The following ARHGAP20 variants were observed in gnomAD, a reference collection of about 807,000 sequenced individuals.
ARHGAP20 encodes the protein rho GTPase-activating protein 20.
In ARHGAP20, 34 loss-of-function variants were observed where a neutral mutation model predicts 73.7. The ratio of observed to expected loss-of-function variants is 0.46; its 90% confidence interval spans 0.35 to 0.61. The LOEUF is 0.61. Ranked by LOEUF, ARHGAP20 falls within the 20% of genes least tolerant of loss-of-function variation. The probability of loss-of-function intolerance (pLI) is 0.00; values close to 1 mark genes in which losing one functional copy is unlikely to be tolerated. For missense variants in ARHGAP20, 1,314 were observed against 1,420.9 expected, an observed-to-expected ratio of 0.92 and a Z score of 1.21; for synonymous variants, 523 against 518.2, an observed-to-expected ratio of 1.01 and a Z score of -0.13.
At chr11:110,697,431 T>C (rs1950357668) in intron 1 of ARHGAP20, among the ~76,000 whole-genome samples, 2 of 151,910 alleles carry the variant, frequency 1.3e-5, no homozygotes, top group South Asian at 4.1e-4. Flanking sequence ...GGAGCTGTTT[T>C]TTTCTTGTCG....
At chr11:110,667,910 A>G (rs1949756331) in intron 2 of ARHGAP20, among the ~76,000 whole-genome samples, 1 of 152,200 alleles carries the variant, frequency 6.6e-6, no homozygotes, top group Non-Finnish European at 1.5e-5. Flanking sequence ...CTCACAATAA[A>G]GTTGCTTCTT....
chr11:110,711,825 T>G, intron 1 of ARHGAP20: 1 of 1,312,786 alleles, frequency 7.6e-7, no homozygotes, highest in Non-Finnish European at 9.7e-7. Flanking sequence ...GCGCCTAGAC[T>G]GAGGGAGGAG....
chr11:110,631,135 CT>C (rs1011949911), intron 2 of ARHGAP20, among the ~76,000 whole-genome samples: 1 of 152,160 alleles, frequency 6.6e-6, no homozygotes, highest in Admixed American at 6.5e-5. Flanking sequence ...ACACATCCCC[CT>C]GAATGCTTCA....
At chr11:110,582,262 C>A (rs116498873) in intron 14 of ARHGAP20, 59 bp downstream of exon 14, 2 of 1,386,590 alleles carry the variant, frequency 1.4e-6, no homozygotes, top group African/African-American at 1.4e-5. Flanking sequence ...TATCCCAGCA[C>A]GTTTACAAAC....
rs1292142754 is a variant in ARHGAP20 at position 110,703,477 on chromosome 11, A to G, written c.105+8650T>C. ...ACTATATATATATATTCATTCATATATATGGATTCATTCATATATATTCAT... is the reference window on the plus strand; with the variant it reads ...ACTATATATATATATTCATTCATATGTATGGATTCATTCATATATATTCAT... On this transcript the variant is annotated intron_variant, in intron 1 of 14. Coordinates refer to ENST00000683387, the MANE Select transcript of ARHGAP20 (RefSeq NM_001384657.1). 4.6e-5 allele frequency among the ~76,000 whole-genome samples: 7 copies of G among 151,324 alleles called. No individual in the cohort carries two copies. In the South Asian group the frequency reaches 1.2e-3, roughly 27 times the overall value.
At chr11:110,647,882 C>T (rs950164036) in intron 2 of ARHGAP20, among the ~76,000 whole-genome samples, 2 of 151,888 alleles carry the variant, frequency 1.3e-5, no homozygotes, top group Admixed American at 1.3e-4. Flanking sequence ...AGGAAAGGAT[C>T]TCCCGTCTGA....
chr11:110,603,747 A>T (rs1442017223), intron 9 of ARHGAP20, among the ~76,000 whole-genome samples: 2 of 152,212 alleles, frequency 1.3e-5, no homozygotes, highest in African/African-American at 4.8e-5. Context: ...GGCAAATATC[A>T]AGAGAAGAAT....
At chr11:110,688,914 C>T (rs923696485) in intron 2 of ARHGAP20, among the ~76,000 whole-genome samples, 1 of 151,800 alleles carries the variant, frequency 6.6e-6, no homozygotes, top group African/African-American at 2.4e-5. Flanking sequence ...AAGAAAGTGA[C>T]GTGAGTGTTT....
At chr11:110,638,710 G>A (rs944134287) in intron 2 of ARHGAP20, among the ~76,000 whole-genome samples, 2 of 151,814 alleles carry the variant, frequency 1.3e-5, no homozygotes, top group Non-Finnish European at 2.9e-5. Context: ...GGGACATGGA[G>A]GAAGCTGGAA....
intron 1 of ARHGAP20, among the ~76,000 whole-genome samples, chr11:110,705,643 T>A (rs1950539937): frequency 1.3e-5 from 2 of 152,228 alleles, no homozygotes; most frequent in South Asian, 4.1e-4. Context: ...TAAAATGCAC[T>A]ATGTAATCAC....
At chr11:110,695,070 T>C (rs555575269) in intron 1 of ARHGAP20, among the ~76,000 whole-genome samples, 40 of 151,706 alleles carry the variant, frequency 2.6e-4, no homozygotes, top group East Asian at 5.8e-4. Flanking sequence ...TTGAGCTACA[T>C]AGTAAACATC....
chr11:110,702,064 G>A (rs1446924966), intron 1 of ARHGAP20, among the ~76,000 whole-genome samples: 5 of 151,942 alleles, frequency 3.3e-5, no homozygotes, highest in South Asian at 2.1e-4. Context: ...TTGGCGATGC[G>A]GGCTCTTTTT....
intron 2 of ARHGAP20, among the ~76,000 whole-genome samples, chr11:110,633,904 C>T (rs1948909575): frequency 6.6e-6 from 1 of 152,100 alleles, no homozygotes; most frequent in Non-Finnish European, 1.5e-5. Context: ...CATTCAAAGA[C>T]AGGTGCATAA....
At chr11:110,665,276 G>A (rs1029801825) in intron 2 of ARHGAP20, among the ~76,000 whole-genome samples, 7 of 152,172 alleles carry the variant, frequency 4.6e-5, no homozygotes, top group African/African-American at 1.7e-4. Context: ...TCAATAATCT[G>A]AGTTTTCATT....
intron 2 of ARHGAP20, among the ~76,000 whole-genome samples, chr11:110,656,282 G>T (rs1049631403): frequency 6.6e-6 from 1 of 152,100 alleles, no homozygotes; most frequent in African/African-American, 2.4e-5. Context: ...GGCTAAGCCT[G>T]TGTACCTGAG....
At chr11:110,627,886 T>C (rs1948778840) in intron 3 of ARHGAP20, among the ~76,000 whole-genome samples, 1 of 152,228 alleles carries the variant, frequency 6.6e-6, no homozygotes, top group South Asian at 2.1e-4. Context: ...CTTATTTATC[T>C]TGCAAATGCA....
intron 2 of ARHGAP20, among the ~76,000 whole-genome samples, chr11:110,651,873 C>T (rs112020504): frequency 0.027 from 4,096 of 152,202 alleles, 161 homozygotes; most frequent in African/African-American, 0.09. Context: ...AGGGACTCCT[C>T]GCTAACTCAT....
chr11:110,597,718 G>C (rs1948005784), intron 9 of ARHGAP20, among the ~76,000 whole-genome samples: 1 of 152,190 alleles, frequency 6.6e-6, no homozygotes, highest in Non-Finnish European at 1.5e-5. Context: ...AGTGTTGACA[G>C]AGGATAAAGT....
At chr11:110,599,930 T>A (rs1341464394) in intron 9 of ARHGAP20, among the ~76,000 whole-genome samples, 1 of 151,914 alleles carries the variant, frequency 6.6e-6, no homozygotes, top group East Asian at 1.9e-4. Context: ...GAGTTGGACA[T>A]CTGATGGGAT....
Sources: gnomAD v4.1 joint callset for allele counts (sites outside exome capture counted in the v4.1 genomes callset) on GRCh38, gnomAD v4.1.1 for gene constraint, MANE v1.5 for transcripts, NCBI Gene and HGNC (gene_info 2026-07-23, HGNC 2026-07-21) for gene names.